Variants in ARHGEF26 observed in about 807,000 individuals in gnomAD.
The protein encoded by ARHGEF26 is Rho guanine nucleotide exchange factor 26.
ARHGEF26 carries 59 observed loss-of-function variants against 89.4 expected under a neutral mutation model. The ratio of observed to expected loss-of-function variants is 0.66; its 90% confidence interval spans 0.54 to 0.82. The LOEUF (loss-of-function observed/expected upper bound fraction) is 0.82, where lower values mean the gene tolerates loss of function less well. Among genes scored for constraint, ARHGEF26 ranks in the 40% least tolerant of loss-of-function variants. ARHGEF26 has a pLI of 0.00. For synonymous variants in ARHGEF26, 500 were observed against 428.4 expected (o/e 1.17, Z -2.06); for missense variants, 1,234 against 1,085.6 (o/e 1.14, Z -1.92).
intron 1 of ARHGEF26, 109 bp from the exon 2 acceptor site, chr3:154,121,832 CA>C: frequency 1.0e-6 from 1 of 977,938 alleles, no homozygotes; most frequent in Admixed American, 2.9e-5. Context: ...AAGTGCGGTG[CA>C]GTCGTGTCCT....
At position 154,240,272 on chromosome 3, in the gene ARHGEF26, C is replaced by G. The variant is rs541048995; in HGVS notation, c.2091-98C>G. ...GTCATTCTTTCCCTCTCCTTCCTGCCCACTCCTTGCTGTTTCCACCAAAAT... is the reference window on the plus strand; with the variant it reads ...GTCATTCTTTCCCTCTCCTTCCTGCGCACTCCTTGCTGTTTCCACCAAAAT... On this transcript the variant is annotated intron_variant, in intron 11 of 14. Coordinates refer to ENST00000465093, the MANE Select transcript of ARHGEF26 (RefSeq NM_015595.4). The G allele has an allele frequency of 3.5e-4, 273 of 773,978 alleles. 1 individual carries two copies. In the African/African-American group the frequency reaches 3.8e-3, roughly 11 times the overall value. The allele number at this position is 773,978 out of a possible 1,614,324, so 47.9% of individuals were successfully genotyped here.
chr3:154,182,825 A>G (rs1713268674), intron 6 of ARHGEF26, among the ~76,000 whole-genome samples: 2 of 152,192 alleles, frequency 1.3e-5, no homozygotes, highest in South Asian at 4.1e-4. Flanking sequence ...TCTTATCTAT[A>G]AAATGGGTAT....
At chr3:154,245,436 G>T (rs1050008754) in intron 12 of ARHGEF26, among the ~76,000 whole-genome samples, 1 of 152,206 alleles carries the variant, frequency 6.6e-6, no homozygotes, top group Middle Eastern at 3.2e-3. Flanking sequence ...AATAGATATT[G>T]CATCCCCAAA....
At chr3:154,142,155 T>C (rs1719422661) in intron 4 of ARHGEF26, among the ~76,000 whole-genome samples, 1 of 152,084 alleles carries the variant, frequency 6.6e-6, no homozygotes, top group Non-Finnish European at 1.5e-5. Context: ...CTAGATGGGC[T>C]ATTTGGGCAG....
chr3:154,129,531 G>T (rs1718546728), intron 3 of ARHGEF26, 43 bp from the exon 4 acceptor site: 1 of 1,589,470 alleles, frequency 6.3e-7, no homozygotes, highest in Non-Finnish European at 8.6e-7. Context: ...GTAACATAAT[G>T]ATTGAGAACA....
chr3:154,199,196 A>G (rs1287119211), intron 9 of ARHGEF26, among the ~76,000 whole-genome samples: 1 of 150,574 alleles, frequency 6.6e-6, no homozygotes, highest in Non-Finnish European at 1.5e-5. Context: ...AACCATCCCC[A>G]CCTCCTCCCC....
chr3:154,165,342 G>A (rs1023375376), intron 6 of ARHGEF26, among the ~76,000 whole-genome samples: 16 of 151,986 alleles, frequency 1.1e-4, no homozygotes, highest in African/African-American at 3.9e-4. Context: ...TAGAGATCAG[G>A]ATATCATTTT....
intron 10 of ARHGEF26, among the ~76,000 whole-genome samples, chr3:154,222,903 G>A (rs1373081695): frequency 2.6e-5 from 4 of 152,152 alleles, no homozygotes; most frequent in Non-Finnish European, 4.4e-5. Flanking sequence ...GTTGAAGACA[G>A]GAGAGCTTAT....
chr3:154,257,013 G>A lies in ARHGEF26; in HGVS notation c.*1540G>A. ...ACAAAGGGATAAAACCTGGCAAAGT[G>A]TACATTATTGGAGGACTCAAATCTG... On this transcript the variant is annotated 3_prime_UTR_variant, in exon 15 of 15. Coordinates refer to ENST00000465093, the MANE Select transcript of ARHGEF26 (RefSeq NM_015595.4). 3.3e-6 allele frequency: 5 copies of A among 1,492,754 alleles called. No individual in the cohort carries two copies. In the Middle Eastern group the frequency reaches 6.9e-4, roughly 207 times the overall value. The allele number at this position is 1,492,754 out of a possible 1,614,324, so 92.5% of individuals were successfully genotyped here.
chr3:154,253,838 T>G (rs964422811), intron 13 of ARHGEF26, among the ~76,000 whole-genome samples: 2 of 152,178 alleles, frequency 1.3e-5, no homozygotes, highest in African/African-American at 4.8e-5. Context: ...ACTCAAAAAT[T>G]ATAGCTTTAA....
intron 12 of ARHGEF26, among the ~76,000 whole-genome samples, chr3:154,244,257 A>G (rs966156964): frequency 1.3e-5 from 2 of 152,224 alleles, no homozygotes. Context: ...TACAACATGT[A>G]AAATCAGCAG....
chr3:154,217,738 CTG>C (rs1005781600), intron 9 of ARHGEF26, 129 bp from the exon 10 acceptor site: 51 of 694,356 alleles, frequency 7.3e-5, no homozygotes, highest in Non-Finnish European at 1.2e-4. Context: ...CTGTGAAAAA[CTG>C]TGAGTTCTCT....
chr3:154,164,309 T>C (rs1047337962), intron 6 of ARHGEF26, among the ~76,000 whole-genome samples: 1 of 152,094 alleles, frequency 6.6e-6, no homozygotes, highest in African/African-American at 2.4e-5. Context: ...TAGTATTAAT[T>C]CAGTATATTA....
chr3:154,235,586 C>CT lies in ARHGEF26; in HGVS notation c.2091-4783dup, dbSNP rs1481373377. On this transcript the variant is annotated intron_variant, in intron 11 of 14. Coordinates refer to ENST00000465093, the MANE Select transcript of ARHGEF26 (RefSeq NM_015595.4). ...TGCATCCTTAAGCAGCCACAGACAC[C>CT]TAGAGTGATGATAGCTGTCATATCT... is the stretch of plus-strand genomic sequence containing the variant. Among the ~76,000 whole-genome samples the CT allele has an allele frequency of 2.6e-5, 4 of 152,178 alleles. No homozygotes were observed. In the East Asian group the frequency reaches 7.7e-4, roughly 29 times the overall value.
chr3:154,136,043 A>G (rs1240850779), intron 4 of ARHGEF26, among the ~76,000 whole-genome samples: 2 of 152,006 alleles, frequency 1.3e-5, no homozygotes, highest in African/African-American at 4.8e-5. Context: ...AATGCCAGAT[A>G]CCTTTGAAAA....
At chr3:154,189,873 TCA>T (rs1713840683) in intron 7 of ARHGEF26, among the ~76,000 whole-genome samples, 5 of 151,946 alleles carry the variant, frequency 3.3e-5, no homozygotes, top group Admixed American at 3.3e-4. Flanking sequence ...GTCAAAGCTA[TCA>T]GTAAAAGGAA....
At position 154,254,895 on chromosome 3, in the gene ARHGEF26, T is replaced by C. The variant is rs1718394661; in HGVS notation, c.2473+71T>C. The C allele has an allele frequency of 2.3e-6, 3 of 1,278,336 alleles. No individual in the cohort carries two copies. The South Asian group carries it at 3.7e-5, about 16-fold the overall frequency. 79.2% of individuals were successfully genotyped at this position (1,278,336 alleles called of 1,614,324 possible). ...AGTGCTATAGACCCGAGGAGTGTCA[T>C]TTTGTCATCATTGCCCATATTCCAA... On this transcript the variant is annotated intron_variant, in intron 14 of 14. Transcript: ENST00000465093.
At chr3:154,154,909 C>G (rs909044011) in intron 6 of ARHGEF26, among the ~76,000 whole-genome samples, 14 of 151,880 alleles carry the variant, frequency 9.2e-5, no homozygotes, top group African/African-American at 2.9e-4. Context: ...TATATATTAG[C>G]CATTCTATCT....
chr3:154,208,916 C>T (rs1242639662), intron 9 of ARHGEF26, among the ~76,000 whole-genome samples: 1 of 151,942 alleles, frequency 6.6e-6, no homozygotes, highest in Non-Finnish European at 1.5e-5. Context: ...CAGGCACATA[C>T]CACCATGCCT....
Sources: allele counts gnomAD v4.1 joint callset (sites outside exome capture counted in the v4.1 genomes callset), GRCh38; gene constraint gnomAD v4.1.1; transcripts MANE v1.5; gene names NCBI Gene and HGNC (gene_info 2026-07-23, HGNC 2026-07-21).